SUMF1: variants seen among roughly 807,000 people sequenced by gnomAD.
The protein encoded by SUMF1 is sulfatase modifying factor 1.
Under a neutral mutation model 47.6 loss-of-function variants are expected in SUMF1, and 48 were observed. The ratio of observed to expected loss-of-function variants is 1.01; its 90% CI spans 0.80 to 1.28. The LOEUF (loss-of-function observed/expected upper bound fraction) is 1.28. SUMF1 is among the 50% of genes most tolerant of loss of function. The pLI is 0.00. For synonymous variants in SUMF1, 230 were observed against 192.1 expected (o/e 1.20, Z -1.63); for missense variants, 571 against 485.4 (o/e 1.18, Z -1.66).
At chr3:4,237,402 G>A (rs1432048293) in intron 8 of SUMF1, among the ~76,000 whole-genome samples, 1 of 151,962 alleles carries the variant, frequency 6.6e-6, no homozygotes. Context: ...ATTTTCTTAT[G>A]CTTATTTGTC....
chr3:4,237,838 TG>T (rs1696442640), intron 8 of SUMF1, among the ~76,000 whole-genome samples: 1 of 152,152 alleles, frequency 6.6e-6, no homozygotes, highest in Non-Finnish European at 1.5e-5. Flanking sequence ...AGTGCATGTT[TG>T]TTACATAGGT....
chr3:4,194,019 T>A (rs1695377293), intron 8 of SUMF1, among the ~76,000 whole-genome samples: 1 of 152,158 alleles, frequency 6.6e-6, no homozygotes, highest in African/African-American at 2.4e-5. Context: ...TAATTTTTAA[T>A]GCAGTCCAGA....
At position 4,446,288 on chromosome 3, in the gene SUMF1, T is replaced by C. The variant is rs192264844; in HGVS notation, c.519+2978A>G. Among the ~76,000 whole-genome samples, 718 of 152,254 alleles carry C rather than the reference T, an allele frequency of 4.7e-3. 6 individuals carry two copies. Among genetic ancestry groups the C allele is most frequent in the Middle Eastern group, 0.034 (10 of 294 alleles). On this transcript the variant is annotated intron_variant, in intron 3 of 8. Transcript: ENST00000272902. ...AGGTTTTCCTGTGCTGTTGCCATGATAGTAAATAAGTCTCACGAGATCTGA... is the reference window on the plus strand; with the variant it reads ...AGGTTTTCCTGTGCTGTTGCCATGACAGTAAATAAGTCTCACGAGATCTGA...
At chr3:4,317,583 A>G (rs1698715432) in intron 8 of SUMF1, 1 of 167,286 alleles carries the variant, frequency 6.0e-6, no homozygotes, top group African/African-American at 2.4e-5. Flanking sequence ...CCCAAGAATA[A>G]TAACGATCAC....
intron 3 of SUMF1, among the ~76,000 whole-genome samples, chr3:4,424,719 T>C (rs1366603026): frequency 6.6e-6 from 1 of 152,222 alleles, no homozygotes; most frequent in Non-Finnish European, 1.5e-5. Flanking sequence ...AGGTAACCTA[T>C]AGAATACACA....
chr3:4,209,323 C>A (rs2125160705), intron 8 of SUMF1, among the ~76,000 whole-genome samples: 1 of 152,212 alleles, frequency 6.6e-6, no homozygotes, highest in East Asian at 1.9e-4. Flanking sequence ...TATGTGCAAA[C>A]ATCATGGAGA....
intron 8 of SUMF1, among the ~76,000 whole-genome samples, chr3:4,369,228 T>C (rs1049371932): frequency 6.6e-6 from 1 of 152,152 alleles, no homozygotes; most frequent in Non-Finnish European, 1.5e-5. Flanking sequence ...TCATTTTCCT[T>C]GTGGTCAGTG....
At chr3:4,145,880 C>T in intron 8 of SUMF1, among the ~76,000 whole-genome samples, 1 of 152,116 alleles carries the variant, frequency 6.6e-6, no homozygotes, top group East Asian at 1.9e-4. Flanking sequence ...CCCCCGTCTA[C>T]AGCTTTAGGC....
At chr3:4,385,601 C>G (rs1249295959) in intron 7 of SUMF1, among the ~76,000 whole-genome samples, 1 of 152,136 alleles carries the variant, frequency 6.6e-6, no homozygotes, top group Non-Finnish European at 1.5e-5. Context: ...TTAACAGGCT[C>G]TTTCACAGAA....
At chr3:4,435,566 A>C (rs1370204674) in intron 3 of SUMF1, among the ~76,000 whole-genome samples, 3 of 152,236 alleles carry the variant, frequency 2.0e-5, no homozygotes, top group Non-Finnish European at 4.4e-5. Context: ...CCCAAATAGG[A>C]TAATCCCTAA....
chr3:4,460,630 G>A (rs1484882173), intron 1 of SUMF1, among the ~76,000 whole-genome samples: 6 of 148,680 alleles, frequency 4.0e-5, no homozygotes, highest in Admixed American at 4.0e-4. Context: ...GTGTGAGAGT[G>A]TGTGTGTGTA....
chr3:4,125,535 CCTT>C (rs1693636923), intron 8 of SUMF1, among the ~76,000 whole-genome samples: 1 of 152,138 alleles, frequency 6.6e-6, no homozygotes, highest in Non-Finnish European at 1.5e-5. Context: ...CAAACTTTCT[CCTT>C]CTTATTTATG....
At chr3:4,043,267 C>T (rs75089245) in intron 9 of SUMF1, among the ~76,000 whole-genome samples, 2 of 152,104 alleles carry the variant, frequency 1.3e-5, no homozygotes, top group African/African-American at 2.4e-5. Context: ...CCTGGCACCT[C>T]GTCCTCTCTT....
At chr3:4,301,091 G>A (rs1200303888) in intron 8 of SUMF1, among the ~76,000 whole-genome samples, 1 of 152,132 alleles carries the variant, frequency 6.6e-6, no homozygotes, top group Non-Finnish European at 1.5e-5. Context: ...GGGAACATAA[G>A]AAATGGCTTA....
chr3:4,127,907 T>C (rs1269767225), intron 8 of SUMF1, among the ~76,000 whole-genome samples: 2 of 152,086 alleles, frequency 1.3e-5, no homozygotes, highest in African/African-American at 2.4e-5. Context: ...GCATGAACTG[T>C]TTAGAGACTT....
chr3:4,458,099 C>T (rs930341228), intron 1 of SUMF1, among the ~76,000 whole-genome samples: 2 of 152,140 alleles, frequency 1.3e-5, no homozygotes, highest in Non-Finnish European at 2.9e-5. Flanking sequence ...GCTCAAAAGA[C>T]ATACAAATGG....
chr3:4,171,148 C>A (rs1179693950), intron 8 of SUMF1, among the ~76,000 whole-genome samples: 1 of 152,176 alleles, frequency 6.6e-6, no homozygotes, highest in African/African-American at 2.4e-5. Flanking sequence ...AAACACCTTG[C>A]TCCTTATAAC....
chr3:4,179,374 T>C (rs1695041996), intron 8 of SUMF1, among the ~76,000 whole-genome samples: 2 of 151,990 alleles, frequency 1.3e-5, no homozygotes, highest in Admixed American at 1.3e-4. Flanking sequence ...GCTTCAGAAA[T>C]ACCACAACAC....
chr3:4,177,059 A>G (rs1694981504), intron 8 of SUMF1, among the ~76,000 whole-genome samples: 1 of 152,108 alleles, frequency 6.6e-6, no homozygotes, highest in South Asian at 2.1e-4. Context: ...GAGACCTACA[A>G]AGAGACTCAG....
Sources: allele counts gnomAD v4.1 joint callset (sites outside exome capture counted in the v4.1 genomes callset), GRCh38; gene constraint gnomAD v4.1.1; transcripts MANE v1.5; gene names NCBI Gene and HGNC (gene_info 2026-07-23, HGNC 2026-07-21).